The following KCNIP1 variants were observed in gnomAD, a reference collection of about 807,000 sequenced individuals.
KCNIP1 encodes the protein potassium voltage-gated channel interacting protein 1, also known as A-type potassium channel modulatory protein KCNIP1.
KCNIP1 carries 18 observed loss-of-function variants against 33.0 expected under a neutral mutation model. The ratio of observed to expected loss-of-function variants is 0.55; its 90% CI spans 0.38 to 0.81. KCNIP1 has a LOEUF of 0.81. Among genes scored for constraint, KCNIP1 ranks in the 30% least tolerant of loss-of-function variants. The probability of loss-of-function intolerance (pLI) is 0.00; values close to 1 mark genes in which losing one functional copy is unlikely to be tolerated. For missense variants in KCNIP1, 238 were observed against 271.6 expected (o/e 0.88, Z 0.87); for synonymous variants, 93 against 98.3 (o/e 0.95, Z 0.32).
intron 1 of KCNIP1, among the ~76,000 whole-genome samples, chr5:170,441,756 C>T (rs1156419909): frequency 6.6e-6 from 1 of 151,932 alleles, no homozygotes; most frequent in Non-Finnish European, 1.5e-5. Flanking sequence ...TGGAGACCAT[C>T]CTGGCCAACA....
intron 1 of KCNIP1, among the ~76,000 whole-genome samples, chr5:170,526,276 C>A (rs1174530235): frequency 6.6e-6 from 1 of 152,204 alleles, no homozygotes; most frequent in Non-Finnish European, 1.5e-5. Context: ...CTGGCTCCTA[C>A]TACACACTCA....
intron 1 of KCNIP1, among the ~76,000 whole-genome samples, chr5:170,367,409 GAAAGAAAGAAAGGAAA>G (rs1763711714): frequency 3.6e-5 from 4 of 111,514 alleles, no homozygotes; most frequent in South Asian, 2.6e-4. Flanking sequence ...AAGAAAGAAA[GAAAGAAAGAAAGGAAA>G]GAAAGAAAGA....
At chr5:170,585,460 C>G (rs1418905207) in intron 1 of KCNIP1, among the ~76,000 whole-genome samples, 1 of 152,192 alleles carries the variant, frequency 6.6e-6, no homozygotes, top group Non-Finnish European at 1.5e-5. Context: ...AGCCTCTCCC[C>G]AGCCTCTCAG....
At chr5:170,503,984 G>T (rs1419107388), upstream of KCNIP1, 1 of 539,964 alleles carries the variant, frequency 1.9e-6, no homozygotes, top group Non-Finnish European at 2.3e-6. Flanking sequence ...GTAGTTGCCC[G>T]CCCGCCGCCC....
At chr5:170,435,148 A>G (rs915820190) in intron 1 of KCNIP1, among the ~76,000 whole-genome samples, 4 of 152,166 alleles carry the variant, frequency 2.6e-5, no homozygotes. Flanking sequence ...GGCCCTGGCC[A>G]GTTGCAGCCA....
upstream of KCNIP1, among the ~76,000 whole-genome samples, chr5:170,500,529 GCACTCCCTCTGCACATTCATTTTGT>G (rs1461519181): frequency 1.3e-5 from 2 of 152,130 alleles, no homozygotes; most frequent in Non-Finnish European, 2.9e-5. Flanking sequence ...GGCTTCTTCA[GCACTCCCTCTGCACATTCATTTTGT>G]CACTCCCTCT....
chr5:170,547,719 G>A (rs578073525), intron 1 of KCNIP1, among the ~76,000 whole-genome samples: 1 of 152,274 alleles, frequency 6.6e-6, no homozygotes, highest in South Asian at 2.1e-4. Context: ...TTTAATGGCT[G>A]CATAGCATTT....
At chr5:170,378,975 T>C (rs1764125709) in intron 1 of KCNIP1, 1 of 1,613,134 alleles carries the variant, frequency 6.2e-7, no homozygotes, top group East Asian at 2.2e-5. Flanking sequence ...GTAGGAGCAC[T>C]GTGGGGAGAA....
intron 1 of KCNIP1, among the ~76,000 whole-genome samples, chr5:170,424,509 T>A (rs966248743): frequency 2.0e-5 from 3 of 151,946 alleles, no homozygotes; most frequent in Admixed American, 6.6e-5. Flanking sequence ...CTTTTAGCAA[T>A]GATGAGAGCA....
intron 1 of KCNIP1, among the ~76,000 whole-genome samples, chr5:170,545,437 A>T (rs1756377095): frequency 1.3e-5 from 2 of 152,090 alleles, no homozygotes; most frequent in South Asian, 2.1e-4. Context: ...GAAACTCTTG[A>T]TCATTGTCTT....
intron 1 of KCNIP1, among the ~76,000 whole-genome samples, chr5:170,414,004 A>T (rs924403367): frequency 6.6e-6 from 1 of 151,858 alleles, no homozygotes; most frequent in South Asian, 2.1e-4. Context: ...GAGTCAATGT[A>T]GAAGGCAGAT....
chr5:170,631,187 AG>A (rs1760038753), intron 1 of KCNIP1, among the ~76,000 whole-genome samples: 1 of 152,168 alleles, frequency 6.6e-6, no homozygotes, highest in African/African-American at 2.4e-5. Flanking sequence ...TCCAGTGTGT[AG>A]GGGCTGTTGT....
intron 1 of KCNIP1, among the ~76,000 whole-genome samples, chr5:170,498,590 C>T (rs190071429): frequency 3.9e-5 from 6 of 152,296 alleles, no homozygotes; most frequent in Non-Finnish European, 7.3e-5. Flanking sequence ...CCCTAGACCT[C>T]CAGCTTCCTG....
At chr5:170,670,924 A>G (rs1234668969) in intron 1 of KCNIP1, among the ~76,000 whole-genome samples, 2 of 149,066 alleles carry the variant, frequency 1.3e-5, no homozygotes, top group African/African-American at 5.0e-5. Flanking sequence ...TAAAAAAAAA[A>G]GAAGAGGACA....
intron 1 of KCNIP1, among the ~76,000 whole-genome samples, chr5:170,552,712 A>C (rs1270593818): frequency 6.6e-6 from 1 of 152,304 alleles, no homozygotes; most frequent in East Asian, 1.9e-4. Flanking sequence ...CCAGCGAAGG[A>C]AGTGGATTCT....
chr5:170,625,750 G>C (rs1343350797), intron 1 of KCNIP1, among the ~76,000 whole-genome samples: 1 of 152,188 alleles, frequency 6.6e-6, no homozygotes, highest in African/African-American at 2.4e-5. Flanking sequence ...AGGCAGCAGG[G>C]TGTCTGGTTC....
At chr5:170,614,194 G>A (rs1759282981) in intron 1 of KCNIP1, among the ~76,000 whole-genome samples, 1 of 152,208 alleles carries the variant, frequency 6.6e-6, no homozygotes, top group Non-Finnish European at 1.5e-5. Flanking sequence ...CAGCCAGGAG[G>A]AAAGCCTGAT....
intron 1 of KCNIP1, among the ~76,000 whole-genome samples, chr5:170,650,592 C>G (rs1761004453): frequency 6.6e-6 from 1 of 152,144 alleles, no homozygotes; most frequent in Admixed American, 6.5e-5. Flanking sequence ...TAGACAATTC[C>G]AACTTTTGAC....
At chr5:170,471,641 A>T (rs1033720286) in intron 1 of KCNIP1, among the ~76,000 whole-genome samples, 1 of 152,120 alleles carries the variant, frequency 6.6e-6, no homozygotes, top group African/African-American at 2.4e-5. Flanking sequence ...AGTAATTCCA[A>T]GCAAAGCAGG....
Sources: allele counts gnomAD v4.1 joint callset (sites outside exome capture counted in the v4.1 genomes callset), GRCh38; gene constraint gnomAD v4.1.1; transcripts MANE v1.5; gene names NCBI Gene and HGNC (gene_info 2026-07-23, HGNC 2026-07-21).